ELP3: variants seen among roughly 807,000 people sequenced by gnomAD.
The protein encoded by ELP3 is elongator acetyltransferase complex subunit 3.
A neutral mutation model predicts 74.9 loss-of-function variants in ELP3; 56 were observed. The observed-to-expected ratio is 0.75, with a 90% CI of 0.60 to 0.93. The LOEUF is 0.93. ELP3 is among the 40% of genes least tolerant of loss of function. The pLI, the probability that ELP3 is intolerant of heterozygous loss-of-function variation, is 0.00. For missense variants in ELP3, 573 were observed against 686.5 expected (o/e 0.83, Z 1.85); for synonymous variants, 222 against 239.8 (o/e 0.93, Z 0.68).
chr8:28,151,081 A>G (rs1813625577), intron 10 of ELP3, among the ~76,000 whole-genome samples: 1 of 152,084 alleles, frequency 6.6e-6, no homozygotes, highest in Non-Finnish European at 1.5e-5. Context: ...GGCCTGTGTG[A>G]CACATTTTGT....
At chr8:28,113,879 C>T (rs1257817722) in intron 7 of ELP3, 1 of 152,180 alleles carries the variant, frequency 6.6e-6, no homozygotes, top group Non-Finnish European at 1.5e-5. Context: ...ACAATTTCAA[C>T]ATGAGTTTTA....
intron 9 of ELP3, among the ~76,000 whole-genome samples, chr8:28,136,981 G>A (rs926989925): frequency 2.0e-5 from 3 of 152,224 alleles, no homozygotes; most frequent in Non-Finnish European, 4.4e-5. Flanking sequence ...AGTTGAGTTA[G>A]ATCTATTGCT....
At chr8:28,177,110 A>G (rs189889956) in intron 14 of ELP3, among the ~76,000 whole-genome samples, 225 of 152,350 alleles carry the variant, frequency 1.5e-3, no homozygotes, top group African/African-American at 5.1e-3. Context: ...GCTGCTGGGT[A>G]GGAGACTCTC....
At chr8:28,155,263 T>G (rs1374559517) in intron 10 of ELP3, among the ~76,000 whole-genome samples, 2 of 152,220 alleles carry the variant, frequency 1.3e-5, no homozygotes, top group African/African-American at 4.8e-5. Flanking sequence ...CTTTAGATAC[T>G]GATTTTTGTC....
chr8:28,105,572 C>A (rs568965761), intron 3 of ELP3, among the ~76,000 whole-genome samples: 1 of 152,314 alleles, frequency 6.6e-6, no homozygotes, highest in Admixed American at 6.5e-5. Context: ...CAGACTCTCT[C>A]AGTGGACCAA....
At chr8:28,097,962 G>A (rs760558172) in intron 2 of ELP3, among the ~76,000 whole-genome samples, 14 of 152,140 alleles carry the variant, frequency 9.2e-5, no homozygotes, top group South Asian at 2.1e-4. Context: ...TAGGTCAGCC[G>A]TCTCCAGAGC....
chr8:28,126,663 C>CT (rs1812589713), intron 7 of ELP3, among the ~76,000 whole-genome samples: 1 of 152,038 alleles, frequency 6.6e-6, no homozygotes, highest in Non-Finnish European at 1.5e-5. Flanking sequence ...GGATGGCTGT[C>CT]TAAGTGGCAC....
intron 5 of ELP3, among the ~76,000 whole-genome samples, chr8:28,110,144 G>A (rs529803704): frequency 6.6e-6 from 1 of 152,270 alleles, no homozygotes; most frequent in South Asian, 2.1e-4. Flanking sequence ...TGTGATCCAA[G>A]GAGACACCCT....
rs76669988 is a variant in ELP3, at chr8:28,119,674, C to T, written c.617+6501C>T. Among the ~76,000 whole-genome samples the T allele has an allele frequency of 9.9e-3, 1,336 of 135,154 alleles. 19 individuals carry two copies. The highest frequency in any genetic ancestry group is 0.034 in the African/African-American group (1,253 of 36,334). 88.7% of individuals were successfully genotyped at this position (135,154 alleles called of 152,430 possible). On this transcript the variant is annotated intron_variant, in intron 7 of 14. Coordinates refer to ENST00000256398, the MANE Select transcript of ELP3 (RefSeq NM_018091.6). ...ACCATTTGATTATTTTTGACAAATG[C>T]ATATACCTGTGCTACAAAGTCCTAT... is the stretch of plus-strand genomic sequence containing the variant.
chr8:28,106,612 C>G, intron 3 of ELP3, 101 bp from the exon 4 acceptor site: 1 of 784,528 alleles, frequency 1.3e-6, no homozygotes, highest in South Asian at 1.6e-5. Context: ...TTTTGCCACT[C>G]TCTGGTTGCA....
intron 10 of ELP3, among the ~76,000 whole-genome samples, chr8:28,150,430 GC>G (rs1333384669): frequency 6.6e-6 from 1 of 152,028 alleles, no homozygotes; most frequent in Non-Finnish European, 1.5e-5. Context: ...GTCTGAGAAA[GC>G]CTTTTTCTCT....
chr8:28,162,049 A>G lies in ELP3; in HGVS notation c.1538A>G (p.His513Arg). 6.2e-7 allele frequency: 1 copy of G among 1,614,194 alleles called. No homozygotes were observed. The highest frequency in any genetic ancestry group is 1.3e-5 in the African/African-American group (1 of 75,058). ...GCAGAAAGAATAGCTAGAGAAGAACATGGGTCTGGGAAAATCGCTGTGATA... is the reference window on the plus strand; with the variant it reads ...GCAGAAAGAATAGCTAGAGAAGAACGTGGGTCTGGGAAAATCGCTGTGATA... ...EEAERIAREE[H>R]GSGKIAVISG... Residue 513 changes from histidine (H) to arginine (R), a missense_variant, in exon 14 of 15, where the codon CAT (histidine) becomes CGT (arginine). Transcript: ENST00000256398.
intron 14 of ELP3, among the ~76,000 whole-genome samples, chr8:28,180,452 T>C (rs982960578): frequency 3.9e-5 from 6 of 152,212 alleles, no homozygotes; most frequent in Admixed American, 2.0e-4. Flanking sequence ...CTGGTATCTT[T>C]TTCCATTCTG....
At chr8:28,171,771 G>A (rs998873230) in intron 14 of ELP3, among the ~76,000 whole-genome samples, 3 of 151,834 alleles carry the variant, frequency 2.0e-5, no homozygotes, top group Non-Finnish European at 2.9e-5. Flanking sequence ...TTCTTCTAAG[G>A]GCTTTATATA....
At chr8:28,107,266 T>G (rs1306506218) in intron 4 of ELP3, among the ~76,000 whole-genome samples, 1 of 152,038 alleles carries the variant, frequency 6.6e-6, no homozygotes, top group Non-Finnish European at 1.5e-5. Flanking sequence ...TAAATAAAAT[T>G]AGAACATATG....
chr8:28,122,782 C>T (rs1442587124), intron 7 of ELP3, among the ~76,000 whole-genome samples: 1 of 151,944 alleles, frequency 6.6e-6, no homozygotes, highest in Non-Finnish European at 1.5e-5. Context: ...TATTTTTATT[C>T]TACTTTCTTT....
At chr8:28,180,336 A>T (rs1003631090) in intron 14 of ELP3, among the ~76,000 whole-genome samples, 1 of 152,170 alleles carries the variant, frequency 6.6e-6, no homozygotes, top group Admixed American at 6.5e-5. Flanking sequence ...TTTGTTGTCC[A>T]TAATTTCTTC....
At chr8:28,108,647 A>C (rs1488093580) in intron 5 of ELP3, among the ~76,000 whole-genome samples, 1 of 151,880 alleles carries the variant, frequency 6.6e-6, no homozygotes, top group African/African-American at 2.4e-5. Context: ...AGTAGAGACA[A>C]GGTTTCATCA....
At chr8:28,172,829 T>C (rs1814584637) in intron 14 of ELP3, among the ~76,000 whole-genome samples, 1 of 152,092 alleles carries the variant, frequency 6.6e-6, no homozygotes, top group Non-Finnish European at 1.5e-5. Flanking sequence ...GCTAATGTAT[T>C]GGGTGTTTTT....
Sources: gnomAD v4.1 joint callset for allele counts (sites outside exome capture counted in the v4.1 genomes callset) on GRCh38, gnomAD v4.1.1 for gene constraint, MANE v1.5 for transcripts, NCBI Gene and HGNC (gene_info 2026-07-23, HGNC 2026-07-21) for gene names.